Variants in NRXN3 observed in about 807,000 individuals in gnomAD.
NRXN3 encodes the protein neurexin 3.
NRXN3 carries 32 observed loss-of-function variants against 137.6 expected under a neutral mutation model. The observed-to-expected ratio is 0.23, with a 90% CI of 0.18 to 0.31. The LOEUF (loss-of-function observed/expected upper bound fraction) is 0.31. NRXN3 is among the 10% of genes least tolerant of loss of function. The pLI is 1.00. For missense variants in NRXN3, 1,574 were observed against 2,062.5 expected (o/e 0.76, Z 4.59); for synonymous variants, 798 against 784.5 (o/e 1.02, Z -0.29).
intron 16 of NRXN3, among the ~76,000 whole-genome samples, chr14:79,488,273 C>G (rs1342733208): frequency 1.3e-5 from 2 of 152,164 alleles, no homozygotes; most frequent in Non-Finnish European, 2.9e-5. Flanking sequence ...GTTCTGCCAT[C>G]ATAGAGCTAT....
intron 16 of NRXN3, among the ~76,000 whole-genome samples, chr14:79,483,577 C>T (rs12893284): frequency 0.09 from 13,681 of 152,188 alleles, 730 homozygotes; most frequent in South Asian, 0.21. Flanking sequence ...GGCATGCAGT[C>T]TGAGCTCCAG....
At chr14:79,252,556 A>G (rs1390318453) in intron 15 of NRXN3, among the ~76,000 whole-genome samples, 1 of 144,530 alleles carries the variant, frequency 6.9e-6, no homozygotes, top group African/African-American at 2.5e-5. Flanking sequence ...ATGTTAAAAG[A>G]GAGGATGTTT....
intron 4 of NRXN3, among the ~76,000 whole-genome samples, chr14:78,548,792 G>A (rs1031344441): frequency 4.6e-5 from 7 of 152,008 alleles, no homozygotes; most frequent in Admixed American, 6.6e-5. Flanking sequence ...CTCTCTGCAC[G>A]TTCCCATCAA....
intron 15 of NRXN3, among the ~76,000 whole-genome samples, chr14:79,275,478 G>A (rs1438400430): frequency 4.6e-5 from 7 of 152,224 alleles, no homozygotes; most frequent in East Asian, 1.9e-4. Flanking sequence ...GCAAGTCAGA[G>A]TCTATACAAG....
chr14:78,897,239 T>C lies in NRXN3; in HGVS notation c.2276-60003T>C, dbSNP rs1038664610. Among the ~76,000 whole-genome samples, 7 of 152,076 alleles carry C rather than the reference T, an allele frequency of 4.6e-5. No homozygotes were observed. The East Asian group carries it at 5.8e-4, about 13-fold the overall frequency. ...CATCCAAGATTGTAATGGGCGATCA[T>C]TGGAAACAAAGATGCTTATAGAGCA... is the stretch of plus-strand genomic sequence containing the variant. On this transcript the variant is annotated intron_variant, in intron 10 of 20. Coordinates refer to ENST00000335750, the MANE Select transcript of NRXN3 (RefSeq NM_001330195.2).
At chr14:78,222,060 G>A (rs2063905811) in intron 1 of NRXN3, among the ~76,000 whole-genome samples, 2 of 152,182 alleles carry the variant, frequency 1.3e-5, no homozygotes, top group African/African-American at 2.4e-5. Context: ...GATGACATAA[G>A]CACAGAGGGG....
intron 16 of NRXN3, among the ~76,000 whole-genome samples, chr14:79,574,756 A>T (rs1275690133): frequency 6.6e-6 from 1 of 152,176 alleles, no homozygotes; most frequent in African/African-American, 2.4e-5. Flanking sequence ...ACAATAAAGA[A>T]GAATGGAAAT....
intron 6 of NRXN3, among the ~76,000 whole-genome samples, chr14:78,682,550 T>C (rs1379034639): frequency 6.6e-6 from 1 of 152,122 alleles, no homozygotes; most frequent in Non-Finnish European, 1.5e-5. Context: ...TGCTACAGCC[T>C]CAGGGCATTG....
intron 10 of NRXN3, among the ~76,000 whole-genome samples, chr14:78,954,898 A>T (rs1178179625): frequency 6.6e-6 from 1 of 151,790 alleles, no homozygotes; most frequent in Non-Finnish European, 1.5e-5. Flanking sequence ...ATACCATAAG[A>T]GCTGATGGAC....
chr14:78,554,997 T>C (rs1353909117), intron 4 of NRXN3, among the ~76,000 whole-genome samples: 2 of 152,066 alleles, frequency 1.3e-5, no homozygotes, highest in Admixed American at 6.5e-5. Flanking sequence ...TGGAGGCCCA[T>C]TGGGAGCTTA....
At chr14:79,065,076 A>G (rs192589511) in intron 15 of NRXN3, among the ~76,000 whole-genome samples, 1,777 of 152,110 alleles carry the variant, frequency 0.012, 29 homozygotes, top group African/African-American at 0.037. Flanking sequence ...ATGTATTTAC[A>G]TGCATATATA....
chr14:79,380,069 G>A (rs1321726917), intron 15 of NRXN3, among the ~76,000 whole-genome samples: 1 of 151,180 alleles, frequency 6.6e-6, no homozygotes, highest in East Asian at 1.9e-4. Flanking sequence ...ACAAAAAATA[G>A]GATGAGTTCA....
chr14:78,599,958 C>G (rs1307537282), intron 4 of NRXN3, among the ~76,000 whole-genome samples: 1 of 152,168 alleles, frequency 6.6e-6, no homozygotes, highest in Non-Finnish European at 1.5e-5. Context: ...TTTCTGGAAG[C>G]ACTTCACTGC....
chr14:78,235,537 A>G (rs1206271323), intron 1 of NRXN3, among the ~76,000 whole-genome samples: 4 of 152,078 alleles, frequency 2.6e-5, no homozygotes, highest in Non-Finnish European at 5.9e-5. Context: ...CTTGACAGAA[A>G]AGGAATTTAG....
intron 4 of NRXN3, among the ~76,000 whole-genome samples, chr14:78,336,888 A>G (rs1300665545): frequency 6.6e-6 from 1 of 152,120 alleles, no homozygotes; most frequent in African/African-American, 2.4e-5. Flanking sequence ...CTAGGCTCTA[A>G]GCCAGGTCAT....
intron 16 of NRXN3, among the ~76,000 whole-genome samples, chr14:79,596,213 T>C (rs999124365): frequency 2.6e-5 from 4 of 152,100 alleles, no homozygotes; most frequent in Non-Finnish European, 5.9e-5. Flanking sequence ...GAGCTGATAG[T>C]TGAGAAAGGT....
chr14:78,640,198 G>T (rs764445134), intron 4 of NRXN3, among the ~76,000 whole-genome samples: 2 of 152,124 alleles, frequency 1.3e-5, no homozygotes, highest in Admixed American at 1.3e-4. Context: ...GCCCAGTGAA[G>T]TGTAAACCTC....
At chr14:79,272,175 G>C (rs2079439115) in intron 15 of NRXN3, among the ~76,000 whole-genome samples, 1 of 148,152 alleles carries the variant, frequency 6.7e-6, no homozygotes, top group Admixed American at 6.7e-5. Flanking sequence ...TTGGGAAGCA[G>C]TGTATTTAAA....
intron 15 of NRXN3, among the ~76,000 whole-genome samples, chr14:79,107,698 G>A (rs2052700230): frequency 6.6e-6 from 1 of 152,036 alleles, no homozygotes; most frequent in African/African-American, 2.4e-5. Flanking sequence ...GGATAGGGAG[G>A]TAGAGAGAGA....
Sources: allele counts gnomAD v4.1 joint callset (sites outside exome capture counted in the v4.1 genomes callset), GRCh38; gene constraint gnomAD v4.1.1; transcripts MANE v1.5; gene names NCBI Gene and HGNC (gene_info 2026-07-23, HGNC 2026-07-21).